Variants in TMEM132D observed in about 807,000 individuals in gnomAD.
TMEM132D encodes mature OL transmembrane protein.
In TMEM132D, 21 loss-of-function variants were observed where a neutral mutation model predicts 62.3. The observed-to-expected ratio is 0.34, with a 90% CI of 0.24 to 0.49. The LOEUF is 0.49. TMEM132D is among the 20% of genes least tolerant of loss of function. The pLI is 0.99. For synonymous variants in TMEM132D, 621 were observed against 575.6 expected, an observed-to-expected ratio of 1.08 and a Z score of -1.13; for missense variants, 1,346 against 1,402.8, an observed-to-expected ratio of 0.96 and a Z score of 0.65.
chr12:129,115,073 C>G (rs1875854436), intron 5 of TMEM132D, among the ~76,000 whole-genome samples: 1 of 152,134 alleles, frequency 6.6e-6, no homozygotes, highest in African/African-American at 2.4e-5. Context: ...TCGTATACAT[C>G]CTCTTTTATT....
intron 5 of TMEM132D, among the ~76,000 whole-genome samples, chr12:129,115,002 G>T (rs1875851352): frequency 6.6e-6 from 1 of 152,144 alleles, no homozygotes; most frequent in South Asian, 2.1e-4. Flanking sequence ...CGTATTTTTT[G>T]ATGAAGACAC....
intron 1 of TMEM132D, among the ~76,000 whole-genome samples, chr12:129,898,543 G>A (rs1875225771): frequency 6.6e-6 from 1 of 152,202 alleles, no homozygotes. Flanking sequence ...GAGATTATGT[G>A]GATCACTTGG....
chr12:129,431,247 T>C (rs1421069139), intron 3 of TMEM132D, among the ~76,000 whole-genome samples: 1 of 152,188 alleles, frequency 6.6e-6, no homozygotes, highest in Non-Finnish European at 1.5e-5. Flanking sequence ...ACTCGACAGT[T>C]CCAGCAGCTA....
intron 3 of TMEM132D, among the ~76,000 whole-genome samples, chr12:129,395,741 C>A (rs1025361662): frequency 2.7e-5 from 4 of 148,672 alleles, no homozygotes; most frequent in Non-Finnish European, 4.5e-5. Flanking sequence ...ACATAGATAT[C>A]TATATATCTA....
intron 1 of TMEM132D, among the ~76,000 whole-genome samples, chr12:129,797,382 T>C (rs935090335): frequency 1.3e-5 from 2 of 152,228 alleles, no homozygotes; most frequent in African/African-American, 4.8e-5. Flanking sequence ...CGATACAACA[T>C]ATGCCATGTA....
chr12:129,894,474 TC>T (rs1488888875), intron 1 of TMEM132D, among the ~76,000 whole-genome samples: 1 of 152,164 alleles, frequency 6.6e-6, no homozygotes, highest in African/African-American at 2.4e-5. Flanking sequence ...TGAAGCAGGT[TC>T]TGGTGGGATC....
chr12:129,436,625 T>C (rs1036312250), intron 3 of TMEM132D, among the ~76,000 whole-genome samples: 1 of 152,192 alleles, frequency 6.6e-6, no homozygotes, highest in Non-Finnish European at 1.5e-5. Context: ...GAATACTCTT[T>C]TGCAGATGAA....
At chr12:129,403,420 G>T (rs1871678707) in intron 3 of TMEM132D, among the ~76,000 whole-genome samples, 1 of 151,578 alleles carries the variant, frequency 6.6e-6, no homozygotes, top group Admixed American at 6.6e-5. Flanking sequence ...GATGTTAGGG[G>T]TGACTGCAAA....
At chr12:129,240,942 C>T (rs1410512855) in intron 4 of TMEM132D, among the ~76,000 whole-genome samples, 1 of 152,098 alleles carries the variant, frequency 6.6e-6, no homozygotes, top group African/African-American at 2.4e-5. Context: ...CTTCTGAATC[C>T]CAGTTTAGTC....
intron 3 of TMEM132D, among the ~76,000 whole-genome samples, chr12:129,486,524 G>A (rs1222439198): frequency 6.6e-6 from 1 of 152,112 alleles, no homozygotes; most frequent in East Asian, 1.9e-4. Flanking sequence ...GAGCCCTAAA[G>A]TCCCTTTTCC....
At chr12:129,571,071 C>T (rs1877499281) in intron 2 of TMEM132D, among the ~76,000 whole-genome samples, 1 of 152,198 alleles carries the variant, frequency 6.6e-6, no homozygotes, top group Admixed American at 6.5e-5. Context: ...AGAGATAATT[C>T]TATGCCATCT....
At chr12:129,145,976 C>A (rs146036277) in intron 5 of TMEM132D, among the ~76,000 whole-genome samples, 5 of 152,106 alleles carry the variant, frequency 3.3e-5, no homozygotes, top group African/African-American at 1.2e-4. Flanking sequence ...TGAGCCACAA[C>A]AACAAAATAA....
rs555515505 is a variant in TMEM132D at position 129,186,119 on chromosome 12, C to A, written c.1443+23401G>T. 2.0e-5 allele frequency among the ~76,000 whole-genome samples: 3 copies of A among 152,250 alleles called. No individual in the cohort carries two copies. In the East Asian group the frequency reaches 5.8e-4, roughly 29 times the overall value. ...CTTCCATTAGGAGCCTCTGACTGTT[C>A]CGCTGCGGGGAGTCCACCCAAGGCC... On this transcript the variant is annotated intron_variant, in intron 5 of 8. Coordinates refer to ENST00000422113, the MANE Select transcript of TMEM132D (RefSeq NM_133448.3).
chr12:129,249,466 A>G (rs527491948), intron 4 of TMEM132D, among the ~76,000 whole-genome samples: 1 of 152,332 alleles, frequency 6.6e-6, no homozygotes, highest in Admixed American at 6.5e-5. Context: ...GAAAGAAGGG[A>G]ACAGAGAACA....
chr12:129,522,578 C>T (rs905411687), intron 3 of TMEM132D: 2 of 152,028 alleles, frequency 1.3e-5, no homozygotes, highest in Non-Finnish European at 2.9e-5. Context: ...GGGACAGACC[C>T]GAGACCGTGC....
intron 3 of TMEM132D, among the ~76,000 whole-genome samples, chr12:129,385,364 C>T (rs919327901): frequency 6.6e-6 from 1 of 152,032 alleles, no homozygotes; most frequent in African/African-American, 2.4e-5. Flanking sequence ...CCTCGGCCTC[C>T]CAAAGTGCTG....
At chr12:129,101,464 A>G (rs754029739) in intron 5 of TMEM132D, among the ~76,000 whole-genome samples, 13 of 152,124 alleles carry the variant, frequency 8.5e-5, no homozygotes, top group Non-Finnish European at 1.6e-4. Flanking sequence ...CAGCACTTGA[A>G]TTTGCAGCCC....
At chr12:129,294,502 C>T (rs930224637) in intron 4 of TMEM132D, among the ~76,000 whole-genome samples, 6 of 152,212 alleles carry the variant, frequency 3.9e-5, no homozygotes, top group South Asian at 4.2e-4. Context: ...ACAGGTGCCC[C>T]GATGCCAGAA....
Position 129,626,090 on chromosome 12 carries a change from G to GA in TMEM132D, c.968+73719dup, listed in dbSNP as rs112050759. Among the ~76,000 whole-genome samples, 173 of 141,142 alleles carry GA rather than the reference G, an allele frequency of 1.2e-3. 3 individuals carry two copies. In the Middle Eastern group the frequency reaches 0.023, roughly 18 times the overall value. The allele number at this position is 141,142 out of a possible 152,430, so 92.6% of individuals were successfully genotyped here. On this transcript the variant is annotated intron_variant, in intron 2 of 8. Coordinates refer to ENST00000422113, the MANE Select transcript of TMEM132D (RefSeq NM_133448.3). ...AGAATTTTAATTGGTGTTGAGCTGG[G>GA]AAAAAAAAAAAAGCTCCACGGTCTA...
Sources: gnomAD v4.1 joint callset for allele counts (sites outside exome capture counted in the v4.1 genomes callset) on GRCh38, gnomAD v4.1.1 for gene constraint, MANE v1.5 for transcripts, NCBI Gene and HGNC (gene_info 2026-07-23, HGNC 2026-07-21) for gene names.